CMTM8: variants seen among roughly 807,000 people sequenced by gnomAD.
CMTM8 encodes the protein CKLF like MARVEL transmembrane domain containing 8, also known as CKLF-like MARVEL transmembrane domain-containing protein 8.
In CMTM8, 12 loss-of-function variants were observed where a neutral mutation model predicts 18.6. That is an observed-to-expected ratio of 0.65 (90% CI 0.41 to 1.05). The LOEUF (loss-of-function observed/expected upper bound fraction) is 1.05, where lower values mean the gene tolerates loss of function less well. CMTM8 is among the 50% of genes least tolerant of loss of function. The pLI is 0.00. For missense variants in CMTM8, 217 were observed against 227.2 expected, an observed-to-expected ratio of 0.95 and a Z score of 0.29; for synonymous variants, 87 against 90.6, an observed-to-expected ratio of 0.96 and a Z score of 0.23.
chr3:32,294,930 C>T (rs529416946), intron 1 of CMTM8, among the ~76,000 whole-genome samples: 1 of 152,102 alleles, frequency 6.6e-6, no homozygotes, highest in East Asian at 1.9e-4. Flanking sequence ...TGGTGCACAC[C>T]TATAATCCCA....
At chr3:32,360,570 C>G (rs9882634) in intron 2 of CMTM8, among the ~76,000 whole-genome samples, 139,329 of 152,302 alleles carry the variant, frequency 0.91, 64,277 homozygotes, top group South Asian at 0.97. Context: ...TTTTCCACTG[C>G]CCAGCAGAAT....
rs189659605 is a variant in CMTM8 at position 32,315,381 on chromosome 3, C to T, written c.148-41992C>T. 5.3e-5 allele frequency among the ~76,000 whole-genome samples: 8 copies of T among 152,184 alleles called. No homozygotes were observed. The East Asian group carries it at 5.8e-4, about 11-fold the overall frequency. On this transcript the variant is annotated intron_variant, in intron 1 of 3. Coordinates refer to ENST00000307526, the MANE Select transcript of CMTM8 (RefSeq NM_178868.5). ...CTCACCTCAAGTGATCCACCCACCT[C>T]GGCCTCCCAAAGTGCTGGGATTACA...
chr3:32,280,846 C>CAAAAAAAAAAAAAAA (rs60845487), intron 1 of CMTM8, among the ~76,000 whole-genome samples: 6 of 68,140 alleles, frequency 8.8e-5, no homozygotes, highest in Non-Finnish European at 1.6e-4. Flanking sequence ...AGAAAATAGG[C>CAAAAAAAAAAAAAAA]AAAAAAAAAA....
At chr3:32,288,918 T>C (rs1702732413) in intron 1 of CMTM8, among the ~76,000 whole-genome samples, 1 of 152,190 alleles carries the variant, frequency 6.6e-6, no homozygotes. Flanking sequence ...GAGGAAACCA[T>C]GAAAAGGCTC....
intron 1 of CMTM8, among the ~76,000 whole-genome samples, chr3:32,268,590 T>TATAA (rs1553602855): frequency 1.4e-5 from 2 of 147,910 alleles, no homozygotes; most frequent in East Asian, 2.0e-4. Flanking sequence ...ACTTAAAGTA[T>TATAA]AAAAAAAAAA....
chr3:32,369,922 T>C lies in CMTM8; in HGVS notation c.477T>C (p.Asn159=). The C allele has an allele frequency of 1.2e-6, 2 of 1,609,670 alleles. No individual in the cohort carries two copies. Among genetic ancestry groups the C allele is most frequent in the Non-Finnish European group, 1.7e-6 (2 of 1,176,652 alleles). ...TGGTCACCATCTGCTACGCTGGAAA[T>C]ACATATTTCAGTTTTATAGCATGGA... The part of the protein sequence containing the change: ...AFLVTICYAG[N]TYFSFIAWRS... The change falls in exon 4 of 4, where the codon AAT becomes AAC. Residue 159 remains asparagine, a synonymous_variant. Coordinates refer to ENST00000307526, the MANE Select transcript of CMTM8 (RefSeq NM_178868.5).
At chr3:32,266,353 C>G (rs992994299) in intron 1 of CMTM8, among the ~76,000 whole-genome samples, 1 of 152,152 alleles carries the variant, frequency 6.6e-6, no homozygotes, top group African/African-American at 2.4e-5. Flanking sequence ...ATGACAAAAA[C>G]CACATGATTA....
chr3:32,364,600 G>A (rs3845113), intron 2 of CMTM8, among the ~76,000 whole-genome samples: 41,550 of 152,138 alleles, frequency 0.27, 6,170 homozygotes, highest in East Asian at 0.49. Context: ...TAAATGCTAA[G>A]AAGAGAGGCA....
At chr3:32,314,042 A>G (rs1362333352) in intron 1 of CMTM8, among the ~76,000 whole-genome samples, 2 of 152,292 alleles carry the variant, frequency 1.3e-5, no homozygotes, top group African/African-American at 4.8e-5. Context: ...ATAAAGGAAG[A>G]TGACTCAGTC....
At chr3:32,355,468 C>G (rs1696799409) in intron 1 of CMTM8, among the ~76,000 whole-genome samples, 1 of 152,176 alleles carries the variant, frequency 6.6e-6, no homozygotes, top group Non-Finnish European at 1.5e-5. Context: ...TGAAATTTGT[C>G]TTGAATTTAC....
At chr3:32,259,865 C>G in intron 1 of CMTM8, 10 of 856,682 alleles carry the variant, frequency 1.2e-5, no homozygotes, top group Non-Finnish European at 1.8e-5. Context: ...GGAGATTGAC[C>G]TGGACTCCAT....
At chr3:32,278,603 C>G (rs936282370) in intron 1 of CMTM8, among the ~76,000 whole-genome samples, 3 of 152,182 alleles carry the variant, frequency 2.0e-5, no homozygotes, top group Non-Finnish European at 2.9e-5. Context: ...TTAGAATTAC[C>G]TGGCCTCCCT....
chr3:32,263,782 C>T (rs1702292423), intron 1 of CMTM8, among the ~76,000 whole-genome samples: 2 of 152,178 alleles, frequency 1.3e-5, no homozygotes, highest in South Asian at 4.1e-4. Flanking sequence ...AAAACCACGG[C>T]ACGAGAACTA....
chr3:32,303,998 T>C (rs1426414912), intron 1 of CMTM8, among the ~76,000 whole-genome samples: 1 of 152,232 alleles, frequency 6.6e-6, no homozygotes, highest in African/African-American at 2.4e-5. Flanking sequence ...AGAATGTCCT[T>C]TACTTCAGCC....
intron 1 of CMTM8, among the ~76,000 whole-genome samples, chr3:32,341,874 C>A (rs1696503755): frequency 6.6e-6 from 1 of 150,934 alleles, no homozygotes; most frequent in African/African-American, 2.4e-5. Flanking sequence ...GACTCTGTCT[C>A]AAAAAAAATA....
chr3:32,307,499 GGA>G (rs1480784774), intron 1 of CMTM8, among the ~76,000 whole-genome samples: 3 of 152,130 alleles, frequency 2.0e-5, no homozygotes, highest in African/African-American at 7.2e-5. Context: ...AGATCCTCGG[GGA>G]GATGATAAGT....
intron 1 of CMTM8, among the ~76,000 whole-genome samples, chr3:32,350,771 C>T (rs1226878687): frequency 2.6e-5 from 4 of 152,188 alleles, no homozygotes; most frequent in Non-Finnish European, 4.4e-5. Flanking sequence ...GATCCAGCCG[C>T]CTCAGCCTCC....
At chr3:32,313,527 A>G (rs183676159) in intron 1 of CMTM8, among the ~76,000 whole-genome samples, 5 of 152,010 alleles carry the variant, frequency 3.3e-5, no homozygotes, top group East Asian at 3.9e-4. Context: ...CTGGTCTCAA[A>G]CTCCTGAGCT....
chr3:32,293,077 GTATATATATATATATA>G (rs61467491), intron 1 of CMTM8, among the ~76,000 whole-genome samples: 5 of 145,738 alleles, frequency 3.4e-5, no homozygotes, highest in African/African-American at 1.0e-4. Flanking sequence ...ATATGTGTGT[GTATATATATATATATA>G]TATATTTAAC....
Sources: gnomAD v4.1 joint callset for allele counts (sites outside exome capture counted in the v4.1 genomes callset) on GRCh38, gnomAD v4.1.1 for gene constraint, MANE v1.5 for transcripts, NCBI Gene and HGNC (gene_info 2026-07-23, HGNC 2026-07-21) for gene names.